The following CACNA1C variants were observed in gnomAD, a reference collection of about 807,000 sequenced individuals.
The protein encoded by CACNA1C is calcium voltage-gated channel subunit alpha1 C.
CACNA1C carries 30 observed loss-of-function variants against 229.0 expected under a neutral mutation model. That is an observed-to-expected ratio of 0.13 (90% confidence interval 0.10 to 0.18). The LOEUF is 0.18. Ranked by LOEUF, CACNA1C falls within the 10% of genes least tolerant of loss-of-function variation. The pLI is 1.00. For missense variants in CACNA1C, 1,658 were observed against 2,845.0 expected (o/e 0.58, Z 9.49); for synonymous variants, 1,114 against 1,132.5 (o/e 0.98, Z 0.33).
At chr12:2,297,402 T>C (rs2094143841) in intron 3 of CACNA1C, among the ~76,000 whole-genome samples, 1 of 152,228 alleles carries the variant, frequency 6.6e-6, no homozygotes. Flanking sequence ...TTGTCATTAG[T>C]GGACAAGTAC....
intron 1 of CACNA1C, among the ~76,000 whole-genome samples, chr12:2,020,843 C>T (rs369344036): frequency 3.5e-4 from 53 of 152,134 alleles, no homozygotes; most frequent in African/African-American, 1.2e-3. Context: ...TCCTTGAATG[C>T]CCTTGGCCAT....
intron 3 of CACNA1C, among the ~76,000 whole-genome samples, chr12:2,301,532 C>T (rs1316261316): frequency 6.6e-6 from 1 of 152,148 alleles, no homozygotes; most frequent in East Asian, 1.9e-4. Flanking sequence ...CCCGCCACCC[C>T]ACCAGAGAGT....
At chr12:2,248,445 TC>T (rs2074246297) in intron 3 of CACNA1C, among the ~76,000 whole-genome samples, 1 of 152,198 alleles carries the variant, frequency 6.6e-6, no homozygotes, top group African/African-American at 2.4e-5. Context: ...GGCTCCATTT[TC>T]CAGTATTTTT....
At chr12:2,483,073 G>A (rs1407989462) in intron 5 of CACNA1C, among the ~76,000 whole-genome samples, 8 of 152,218 alleles carry the variant, frequency 5.3e-5, no homozygotes. Context: ...CCCTCCCCAC[G>A]TGCCTGAGAC....
At chr12:2,427,143 G>A (rs1374351452) in intron 3 of CACNA1C, among the ~76,000 whole-genome samples, 2 of 152,162 alleles carry the variant, frequency 1.3e-5, no homozygotes, top group Non-Finnish European at 2.9e-5. Context: ...CTAGAGAGTG[G>A]GAAGGACCTG....
At chr12:2,448,905 A>G (rs949876446) in intron 3 of CACNA1C, 71 bp from the exon 4 acceptor site, 17 of 1,315,362 alleles carry the variant, frequency 1.3e-5, no homozygotes, top group African/African-American at 5.8e-5. Context: ...TGTGAGATCT[A>G]CTGGTTCCAA....
chr12:2,104,878 T>C (rs2077608534), intron 1 of CACNA1C, among the ~76,000 whole-genome samples: 1 of 152,226 alleles, frequency 6.6e-6, no homozygotes, highest in Non-Finnish European at 1.5e-5. Context: ...ATTTGGTTAT[T>C]ATGGCAAAAA....
rs145122379 is a variant in CACNA1C, at chr12:2,159,627, G to A, written c.477+39197G>A. On this transcript the variant is annotated intron_variant, in intron 3 of 46. Transcript: ENST00000399655. The stretch of plus-strand genomic sequence containing the variant: ...TCTTTTTTTTTTTTTTTTTGAGATG[G>A]GAGTTTCGCTCTCATTGCCCAGGCT... Among the ~76,000 whole-genome samples, 914 of 147,242 alleles carry A rather than the reference G, an allele frequency of 6.2e-3. 10 individuals are homozygous for A. Among genetic ancestry groups the A allele is most frequent in the African/African-American group, 0.022 (876 of 40,002 alleles).
intron 29 of CACNA1C, among the ~76,000 whole-genome samples, chr12:2,626,712 G>T (rs953419456): frequency 6.6e-6 from 1 of 151,976 alleles, no homozygotes. Context: ...ATCTACCCAG[G>T]TACAAACTGA....
At chr12:2,625,837 A>C (rs2086164915) in intron 29 of CACNA1C, among the ~76,000 whole-genome samples, 1 of 152,176 alleles carries the variant, frequency 6.6e-6, no homozygotes, top group Non-Finnish European at 1.5e-5. Context: ...ACACACCTGT[A>C]GTCCCAGCTC....
chr12:2,674,990 A>G (rs1454774241), intron 39 of CACNA1C, among the ~76,000 whole-genome samples: 1 of 152,204 alleles, frequency 6.6e-6, no homozygotes, highest in African/African-American at 2.4e-5. Context: ...TAGGTTTCCC[A>G]TAAACCTGAT....
chr12:1,978,433 T>C (rs577153660), intron 1 of CACNA1C, among the ~76,000 whole-genome samples: 1 of 152,326 alleles, frequency 6.6e-6, no homozygotes, highest in Admixed American at 6.5e-5. Context: ...CACTGGTTAA[T>C]AAATGTCAGG....
At chr12:2,588,484 A>G (rs1473992976) in intron 18 of CACNA1C, among the ~76,000 whole-genome samples, 1 of 152,136 alleles carries the variant, frequency 6.6e-6, no homozygotes, top group Non-Finnish European at 1.5e-5. Flanking sequence ...GGCTGTCCAG[A>G]TTGCACCCAA....
At chr12:2,351,398 C>T (rs1052271082) in intron 3 of CACNA1C, among the ~76,000 whole-genome samples, 1 of 152,218 alleles carries the variant, frequency 6.6e-6, no homozygotes, top group African/African-American at 2.4e-5. Flanking sequence ...AACCATCTCC[C>T]TTCACCTGGC....
chr12:2,126,867 C>T (rs534109904), intron 3 of CACNA1C, among the ~76,000 whole-genome samples: 80 of 152,302 alleles, frequency 5.3e-4, no homozygotes, highest in African/African-American at 1.9e-3. Context: ...GAACTCTAAG[C>T]CAGGCTGAGG....
chr12:2,214,565 T>C (rs939180429), intron 3 of CACNA1C, among the ~76,000 whole-genome samples: 2 of 151,610 alleles, frequency 1.3e-5, no homozygotes, highest in Admixed American at 1.3e-4. Flanking sequence ...CCAAGGTCGC[T>C]GGAAGCAACA....
At chr12:2,231,572 A>G (rs2065141454) in intron 3 of CACNA1C, among the ~76,000 whole-genome samples, 1 of 152,164 alleles carries the variant, frequency 6.6e-6, no homozygotes, top group African/African-American at 2.4e-5. Flanking sequence ...AAGATCACAA[A>G]TGGGTTTTGT....
intron 1 of CACNA1C, among the ~76,000 whole-genome samples, chr12:2,012,126 AACCTT>A (rs1210598238): frequency 2.0e-5 from 3 of 152,208 alleles, no homozygotes; most frequent in African/African-American, 7.2e-5. Flanking sequence ...GTGCTAAACT[AACCTT>A]AAGTCCAAGA....
At chr12:2,454,968 C>T (rs753598956) in intron 4 of CACNA1C, among the ~76,000 whole-genome samples, 1 of 152,212 alleles carries the variant, frequency 6.6e-6, no homozygotes, top group Non-Finnish European at 1.5e-5. Flanking sequence ...AGGTGGACGC[C>T]CTTCGCATGC....
Sources: gnomAD v4.1 joint callset for allele counts (sites outside exome capture counted in the v4.1 genomes callset) on GRCh38, gnomAD v4.1.1 for gene constraint, MANE v1.5 for transcripts, NCBI Gene and HGNC (gene_info 2026-07-23, HGNC 2026-07-21) for gene names.